ZC3H6: variants seen among roughly 807,000 people sequenced by gnomAD.
ZC3H6 encodes the protein zinc finger CCCH-type containing 6.
A neutral mutation model predicts 107.7 loss-of-function variants in ZC3H6; 40 were observed. The ratio of observed to expected loss-of-function variants is 0.37; its 90% CI spans 0.29 to 0.48. The LOEUF is 0.48. Among genes scored for constraint, ZC3H6 ranks in the 20% least tolerant of loss-of-function variants. ZC3H6 has a pLI of 0.98. For missense variants in ZC3H6, 1,267 were observed against 1,410.4 expected, an observed-to-expected ratio of 0.90 and a Z score of 1.63; for synonymous variants, 493 against 487.9, an observed-to-expected ratio of 1.01 and a Z score of -0.14.
intron 11 of ZC3H6, among the ~76,000 whole-genome samples, chr2:112,327,717 C>T (rs926152051): frequency 6.6e-6 from 1 of 152,102 alleles, no homozygotes; most frequent in African/African-American, 2.4e-5. Flanking sequence ...TAGTTTTACT[C>T]TTCTGCATAT....
intron 1 of ZC3H6, among the ~76,000 whole-genome samples, chr2:112,291,735 T>G (rs1399334577): frequency 2.0e-5 from 3 of 152,056 alleles, no homozygotes; most frequent in Admixed American, 6.5e-5. Context: ...GTTCCTTTTT[T>G]TGAGACAGAG....
intron 1 of ZC3H6, among the ~76,000 whole-genome samples, chr2:112,289,887 C>T (rs116814969): frequency 0.1 from 15,354 of 151,128 alleles, 539 homozygotes; most frequent in Non-Finnish European, 0.15. Flanking sequence ...GCCACAGCCA[C>T]GCACCTAACA....
chr2:112,289,009 A>AAT (rs1676028637), intron 1 of ZC3H6, among the ~76,000 whole-genome samples: 1 of 89,150 alleles, frequency 1.1e-5, no homozygotes, highest in South Asian at 4.4e-4. Flanking sequence ...CGCCACCACC[A>AAT]CCCTACTGAC....
chr2:112,287,383 TATTC>T (rs1686627254), intron 1 of ZC3H6, among the ~76,000 whole-genome samples: 1 of 152,228 alleles, frequency 6.6e-6, no homozygotes, highest in South Asian at 2.1e-4. Flanking sequence ...CAGTTTGACT[TATTC>T]ATGCAATAGT....
In ZC3H6 at chr2:112,303,286, C is replaced by A; in HGVS notation, c.271C>A (p.His91Asn). The change falls in exon 3 of 12, where the codon CAT becomes AAT. Residue 91 changes from histidine to asparagine, a missense_variant. By Grantham distance (68) the His-to-Asn change is moderately conservative. Transcript: ENST00000409871. ...SDYSLDSDVE[H>N]TESSHKKRTG... ...CTACAGCCTTGATTCAGATGTTGAA[C>A]ATACAGAAAGTTCCCATAAAAAAAG... 6.2e-7 allele frequency: 1 copy of A among 1,613,164 alleles called. No individual in the cohort carries two copies. Among genetic ancestry groups the A allele is most frequent in the Non-Finnish European group, 8.5e-7 (1 of 1,179,332 alleles).
Position 112,324,208 on chromosome 2 carries a change from G to A in ZC3H6, c.1397G>A (p.Ser466Asn), listed in dbSNP as rs1487065791. 10 of 1,603,560 alleles carry A rather than the reference G, an allele frequency of 6.2e-6. No individual in the cohort carries two copies. The highest frequency in any genetic ancestry group is 8.5e-6 in the Non-Finnish European group (10 of 1,171,048). ...SPPGPQFQGS[S>N]PHPQHIYSSG... ...CCAGGACCACAATTTCAGGGAAGCA[G>A]TCCACACCCTCAACATATCTATAGT... The change falls in exon 10 of 12, where the codon AGT (serine) becomes AAT (asparagine). Residue 466 changes from serine to asparagine, a missense_variant. Coordinates refer to ENST00000409871, the MANE Select transcript of ZC3H6 (RefSeq NM_198581.3).
In ZC3H6 at chr2:112,332,191, A is replaced by G; in HGVS notation, c.3273A>G (p.Gly1091=). Residue 1091 remains glycine (G), a synonymous_variant, in exon 12 of 12, where the codon GGA becomes GGG. Coordinates refer to ENST00000409871, the MANE Select transcript of ZC3H6 (RefSeq NM_198581.3). Reference sequence around the variant, plus strand: ...GTGACAAAACTGAACCTTCTCCTGGAGAAGCCATCCTTCCACAAAAACCCA... The same window carrying G: ...GTGACAAAACTGAACCTTCTCCTGGGGAAGCCATCCTTCCACAAAAACCCA... ...KSSDKTEPSP[G]EAILPQKPSP... is the part of the protein sequence containing the mutation. The G allele has an allele frequency of 6.2e-7, 1 of 1,614,020 alleles. No individual in the cohort carries two copies. Among genetic ancestry groups the G allele is most frequent in the Non-Finnish European group, 8.5e-7 (1 of 1,179,882 alleles).
At chr2:112,328,570 T>C (rs1676957165) in intron 11 of ZC3H6, among the ~76,000 whole-genome samples, 1 of 152,206 alleles carries the variant, frequency 6.6e-6, no homozygotes, top group East Asian at 1.9e-4. Context: ...TAATTCTTCA[T>C]TTACCTAACA....
intron 2 of ZC3H6, 79 bp downstream of exon 2, chr2:112,300,108 A>C: frequency 1.1e-6 from 1 of 945,216 alleles, no homozygotes; most frequent in Non-Finnish European, 1.4e-6. Flanking sequence ...AGTAGAAGTC[A>C]TTATTTTATT....
intron 1 of ZC3H6, among the ~76,000 whole-genome samples, chr2:112,295,003 A>C (rs1047666168): frequency 6.6e-6 from 1 of 151,264 alleles, no homozygotes; most frequent in Non-Finnish European, 1.5e-5. Flanking sequence ...TCAGAGTAGT[A>C]CAGTCATTAC....
At chr2:112,319,195 G>T (rs1448515186) in intron 7 of ZC3H6, among the ~76,000 whole-genome samples, 2 of 152,160 alleles carry the variant, frequency 1.3e-5, no homozygotes, top group Admixed American at 1.3e-4. Flanking sequence ...TAATGAAGTC[G>T]TGATTGGTAA....
chr2:112,318,161 T>C (rs6718406), intron 7 of ZC3H6, among the ~76,000 whole-genome samples: 328 of 152,200 alleles, frequency 2.2e-3, no homozygotes, highest in African/African-American at 7.5e-3. Context: ...AGAAAGTGAA[T>C]AAAATGAAAA....
At chr2:112,303,151 G>A (rs1676415620) in intron 2 of ZC3H6, 78 bp from the exon 3 acceptor site, 1 of 1,525,708 alleles carries the variant, frequency 6.6e-7, no homozygotes, top group Non-Finnish European at 8.8e-7. Flanking sequence ...ACCTCTGGCT[G>A]AAACAAGCTT....
intron 7 of ZC3H6, among the ~76,000 whole-genome samples, chr2:112,318,182 T>C (rs532420851): frequency 6.6e-6 from 1 of 152,292 alleles, no homozygotes; most frequent in East Asian, 1.9e-4. Flanking sequence ...ATGCCTGTTA[T>C]CATAGATCAA....
chr2:112,338,082 G>T lies in ZC3H6; in HGVS notation c.*5594G>T, dbSNP rs947874044. ...TCCTGCCTCAGCCTTCTGAGTAGCT[G>T]GGATTATAGGCATGCGCCACCACAA... is the stretch of plus-strand genomic sequence containing the variant. On this transcript the variant is annotated 3_prime_UTR_variant, in exon 12 of 12. Transcript: ENST00000409871. 2 of 152,172 alleles carry T rather than the reference G, an allele frequency of 1.3e-5. No homozygotes were observed. The highest frequency in any genetic ancestry group is 2.9e-5 in the Non-Finnish European group (2 of 68,078). 9.4% of individuals were successfully genotyped at this position (152,172 alleles called of 1,614,324 possible).
At chr2:112,309,654 A>G (rs1384149229) in intron 3 of ZC3H6, among the ~76,000 whole-genome samples, 1 of 152,240 alleles carries the variant, frequency 6.6e-6, no homozygotes, top group African/African-American at 2.4e-5. Context: ...GAACATAGAA[A>G]GCAAAGGCTA....
In ZC3H6 at chr2:112,331,606, TTCAA is replaced by T; in HGVS notation, c.2694_2697del (p.Asn899TyrfsTer7). 6.2e-7 allele frequency: 1 copy of T among 1,614,008 alleles called. No homozygotes were observed. The highest frequency in any genetic ancestry group is 8.5e-7 in the Non-Finnish European group (1 of 1,179,902). ...CTTTACCTAAACCTGATCCAGTGTC[TTCAA>T]TCAATTTACCTCTGCCCCCACTTAT... On this transcript the variant is annotated frameshift_variant, in exon 12 of 12. Coordinates refer to ENST00000409871, the MANE Select transcript of ZC3H6 (RefSeq NM_198581.3). LOFTEE classifies it high-confidence loss of function.
Position 112,332,442 on chromosome 2 carries a change from A to G in ZC3H6, c.3524A>G (p.Lys1175Arg). ...AGAGAAACAGATGACAAATCTCTGA[A>G]AGAGGTTTTTAAAACTTTTGATCCA... ...PGRETDDKSL[K>R]EVFKTFDPTA... The change falls in exon 12 of 12, where the codon AAA becomes AGA. Residue 1175 changes from lysine (K) to arginine (R), a missense_variant. Physicochemically the swap from Lys to Arg is conservative, Grantham distance 26 (BLOSUM62 2). This residue lies in a region of ZC3H6 where 925 missense variants were observed against 1,025.7 expected (regional missense o/e 0.90). Transcript: ENST00000409871. 7 of 1,610,482 alleles carry G rather than the reference A, an allele frequency of 4.3e-6. No individual in the cohort carries two copies. Among genetic ancestry groups the G allele is most frequent in the Non-Finnish European group, 4.2e-6 (5 of 1,179,216 alleles).
At chr2:112,292,844 C>T (rs553640847) in intron 1 of ZC3H6, among the ~76,000 whole-genome samples, 1 of 152,294 alleles carries the variant, frequency 6.6e-6, no homozygotes, top group South Asian at 2.1e-4. Flanking sequence ...TAACCCCCAT[C>T]CAGGGAGATC....
Sources: allele counts gnomAD v4.1 joint callset (sites outside exome capture counted in the v4.1 genomes callset), GRCh38; gene constraint gnomAD v4.1.1; regional missense constraint gnomAD v4.1.1; transcripts MANE v1.5; gene names NCBI Gene and HGNC (gene_info 2026-07-23, HGNC 2026-07-21).